The following OVCH1 variants were observed in gnomAD, a reference collection of about 807,000 sequenced individuals.
The protein encoded by OVCH1 is ovochymase 1.
Under a neutral mutation model 138.4 loss-of-function variants are expected in OVCH1, and 139 were observed. The ratio of observed to expected loss-of-function variants is 1.00; its 90% confidence interval spans 0.87 to 1.16. The LOEUF (loss-of-function observed/expected upper bound fraction) is 1.16. OVCH1 is among the 50% of genes most tolerant of loss of function. The pLI, the probability that OVCH1 is intolerant of heterozygous loss-of-function variation, is 0.00. For missense variants in OVCH1, 1,367 were observed against 1,357.9 expected (o/e 1.01, Z -0.11); for synonymous variants, 453 against 467.8 (o/e 0.97, Z 0.41).
intron 25 of OVCH1, among the ~76,000 whole-genome samples, 168 bp downstream of exon 25, chr12:29,443,193 T>C (rs1592044165): frequency 6.6e-6 from 1 of 152,138 alleles, no homozygotes; most frequent in East Asian, 1.9e-4. Context: ...GGAGATTTTA[T>C]ATCTTAATTT....
chr12:29,468,212 AGT>A, intron 16 of OVCH1, among the ~76,000 whole-genome samples: 1 of 152,334 alleles, frequency 6.6e-6, no homozygotes, highest in African/African-American at 2.4e-5. Flanking sequence ...AGAGAAAAAT[AGT>A]GTGTTAGAGA....
chr12:29,444,438 G>A (rs553001892), intron 23 of OVCH1, among the ~76,000 whole-genome samples, 158 bp from the exon 24 acceptor site: 19 of 152,038 alleles, frequency 1.2e-4, no homozygotes, highest in Non-Finnish European at 1.8e-4. Flanking sequence ...AATTTTCTCC[G>A]TCTTAAATAT....
intron 12 of OVCH1, among the ~76,000 whole-genome samples, chr12:29,476,734 G>A (rs1441286423): frequency 6.7e-6 from 1 of 148,420 alleles, no homozygotes; most frequent in African/African-American, 2.5e-5. Flanking sequence ...GCATTGCCAA[G>A]CAGCATAAGT....
intron 18 of OVCH1, 75 bp from the exon 19 acceptor site, chr12:29,462,083 A>T (rs754263741): frequency 2.1e-4 from 313 of 1,493,474 alleles, no homozygotes; most frequent in South Asian, 1.1e-3. Flanking sequence ...ATTTAAGTTC[A>T]GATGTAGCTC....
intron 14 of OVCH1, among the ~76,000 whole-genome samples, chr12:29,474,104 C>CACACACAT (rs1413481141): frequency 1.4e-5 from 2 of 142,636 alleles, no homozygotes; most frequent in South Asian, 4.2e-4. Flanking sequence ...CACACACACA[C>CACACACAT]ATATATATAT....
intron 26 of OVCH1, among the ~76,000 whole-genome samples, chr12:29,435,078 A>T (rs1941333501): frequency 6.6e-6 from 1 of 152,248 alleles, no homozygotes; most frequent in African/African-American, 2.4e-5. Flanking sequence ...AGTATATTTG[A>T]GCTTTAGCTA....
intron 22 of OVCH1, among the ~76,000 whole-genome samples, chr12:29,446,208 C>G (rs1017271772): frequency 4.6e-5 from 7 of 151,880 alleles, no homozygotes; most frequent in African/African-American, 1.7e-4. Context: ...TCCTCAGAAC[C>G]AAGATGACTC....
At chr12:29,465,934 C>T (rs1942300653) in intron 16 of OVCH1, among the ~76,000 whole-genome samples, 1 of 151,970 alleles carries the variant, frequency 6.6e-6, no homozygotes, top group Non-Finnish European at 1.5e-5. Context: ...AGGATGAGTT[C>T]ATGTCCTTTG....
At chr12:29,403,889 A>G in the OVCH1 span, among the ~76,000 whole-genome samples, 1 of 152,228 alleles carries the variant, frequency 6.6e-6, no homozygotes, top group Non-Finnish European at 1.5e-5. Flanking sequence ...GTACAATTGT[A>G]TATAATGGTA....
chr12:29,478,577 A>C (rs963058543), intron 9 of OVCH1, among the ~76,000 whole-genome samples: 2 of 151,818 alleles, frequency 1.3e-5, no homozygotes, highest in African/African-American at 2.4e-5. Context: ...CTCCACTCTT[A>C]CTCCCTCCCC....
At position 29,495,465 on chromosome 12, in the gene OVCH1, C is replaced by T; in HGVS notation, c.282-8G>A. On this transcript the variant is annotated splice_region_variant and splice_polypyrimidine_tract_variant and intron_variant, in intron 3 of 27. Coordinates refer to ENST00000318184, the Ensembl canonical transcript of OVCH1. ...ATATTCTTCAGCTGCTTCCTAAAAC[C>T]AAAGAAAAATGTTTCATAAGTAGTT... The T allele has an allele frequency of 1.9e-6, 3 of 1,608,944 alleles. No homozygotes were observed. The highest frequency in any genetic ancestry group is 4.5e-5 in the East Asian group (2 of 44,710).
At chr12:29,457,238 G>T (rs1941978448) in intron 19 of OVCH1, among the ~76,000 whole-genome samples, 1 of 151,876 alleles carries the variant, frequency 6.6e-6, no homozygotes, top group Non-Finnish European at 1.5e-5. Flanking sequence ...TTAAATCATT[G>T]ATTTTTTTCA....
At chr12:29,409,171 T>G (rs1385184867), downstream of OVCH1, among the ~76,000 whole-genome samples, 1 of 150,976 alleles carries the variant, frequency 6.6e-6, no homozygotes, top group Non-Finnish European at 1.5e-5. Context: ...TTATCATTTT[T>G]TATTGCGTCT....
At chr12:29,483,183 G>A (rs1301496320) in intron 8 of OVCH1, among the ~76,000 whole-genome samples, 1 of 151,960 alleles carries the variant, frequency 6.6e-6, no homozygotes, top group Non-Finnish European at 1.5e-5. Flanking sequence ...TCCCATCTTG[G>A]TCATTTTCCT....
At chr12:29,412,291 C>T (rs1397303296), downstream of OVCH1, among the ~76,000 whole-genome samples, 2 of 151,900 alleles carry the variant, frequency 1.3e-5, no homozygotes, top group African/African-American at 2.4e-5. Context: ...TGCTTCGGCT[C>T]ACGCACGGTG....
At chr12:29,413,586 A>G (rs1940989930) in intron 3 of OVCH1, among the ~76,000 whole-genome samples, 1 of 152,170 alleles carries the variant, frequency 6.6e-6, no homozygotes, top group African/African-American at 2.4e-5. Flanking sequence ...GTATTTAAAC[A>G]TTCACATTTT....
intron 19 of OVCH1, among the ~76,000 whole-genome samples, chr12:29,459,710 T>C (rs1204458561): frequency 6.6e-6 from 1 of 152,166 alleles, no homozygotes; most frequent in African/African-American, 2.4e-5. Flanking sequence ...TGATTATTCC[T>C]TGTATCCCTG....
At chr12:29,458,467 T>TA (rs1942025878) in intron 19 of OVCH1, among the ~76,000 whole-genome samples, 1 of 152,128 alleles carries the variant, frequency 6.6e-6, no homozygotes, top group Non-Finnish European at 1.5e-5. Flanking sequence ...AGTAGTTCCC[T>TA]ATTCCTCACC....
chr12:29,438,805 G>A (rs746267689), intron 26 of OVCH1, among the ~76,000 whole-genome samples: 27 of 152,106 alleles, frequency 1.8e-4, no homozygotes, highest in Non-Finnish European at 3.2e-4. Flanking sequence ...CTCATTTACA[G>A]TAGAAAATCT....
Sources: gnomAD v4.1 joint callset for allele counts (sites outside exome capture counted in the v4.1 genomes callset) on GRCh38, gnomAD v4.1.1 for gene constraint, MANE v1.5 for transcripts, NCBI Gene and HGNC (gene_info 2026-07-23, HGNC 2026-07-21) for gene names.